MYO5A: variants seen among roughly 807,000 people sequenced by gnomAD.
MYO5A encodes the protein myosin VA, also known as unconventional myosin-Va.
A neutral mutation model predicts 249.7 loss-of-function variants in MYO5A; 98 were observed. That is an observed-to-expected ratio of 0.39 (90% CI 0.33 to 0.46). The LOEUF (loss-of-function observed/expected upper bound fraction) is 0.46. MYO5A is among the 20% of genes least tolerant of loss of function. The pLI, the probability that MYO5A is intolerant of heterozygous loss-of-function variation, is 0.98. For missense variants in MYO5A, 1,696 were observed against 2,308.8 expected, an observed-to-expected ratio of 0.73 and a Z score of 5.44; for synonymous variants, 778 against 810.6, an observed-to-expected ratio of 0.96 and a Z score of 0.68.
intron 1 of MYO5A, among the ~76,000 whole-genome samples, chr15:52,466,328 T>C (rs1595735310): frequency 6.6e-6 from 1 of 152,218 alleles, no homozygotes; most frequent in African/African-American, 2.4e-5. Context: ...GAGTGTGGTA[T>C]GGGCTCCAGC....
In MYO5A at chr15:52,372,132, C is replaced by G; in HGVS notation, c.2809G>C (p.Asp937His). The G allele has an allele frequency of 6.2e-7, 1 of 1,613,626 alleles. No homozygotes were observed. Among genetic ancestry groups the G allele is most frequent in the Non-Finnish European group, 8.5e-7 (1 of 1,180,006 alleles). Residue 937 changes from aspartate (D) to histidine (H), a missense_variant, in exon 21 of 42, where the codon GAT becomes CAT. This residue lies in a region of MYO5A where 412 missense variants were observed against 453.3 expected (regional missense o/e 0.91). Coordinates refer to ENST00000399233, the MANE Select transcript of MYO5A (RefSeq NM_001382347.1). ...NKIMQLQRKVDEQNKDYKCLV... is the reference protein window; with the variant it reads ...NKIMQLQRKVHEQNKDYKCLV... ...CCCTTTGTGAAACACACCTGCTCAT[C>G]AACTTTGCGCTGCAGCTGCATGATC...
intron 22 of MYO5A, among the ~76,000 whole-genome samples, chr15:52,368,825 T>C (rs2040948403): frequency 6.6e-6 from 1 of 152,154 alleles, no homozygotes; most frequent in South Asian, 2.1e-4. Flanking sequence ...TGCTTGTGTG[T>C]TTATTCTATC....
intron 29 of MYO5A, 95 bp downstream of exon 29, chr15:52,348,723 C>T (rs988210790): frequency 9.6e-7 from 1 of 1,041,062 alleles, no homozygotes; most frequent in East Asian, 2.6e-5. Context: ...TAGACTTGGT[C>T]AGAAAGCATC....
intron 1 of MYO5A, among the ~76,000 whole-genome samples, chr15:52,495,156 C>T (rs1344708015): frequency 2.0e-5 from 3 of 151,984 alleles, no homozygotes; most frequent in Non-Finnish European, 4.4e-5. Context: ...CCTAAGTGTC[C>T]AGTAACAAAT....
At chr15:52,396,429 G>C (rs1381496136) in intron 10 of MYO5A, 32 bp from the exon 11 acceptor site, 18 of 1,276,878 alleles carry the variant, frequency 1.4e-5, no homozygotes, top group Non-Finnish European at 1.8e-5. Flanking sequence ...GAAAAGGGGA[G>C]AAAAGGAACA....
chr15:52,449,980 C>T (rs763722673), intron 1 of MYO5A, among the ~76,000 whole-genome samples: 6 of 151,874 alleles, frequency 4.0e-5, no homozygotes, highest in East Asian at 1.9e-4. Context: ...CTAGCCTGAG[C>T]GACAGGGCTA....
intron 1 of MYO5A, among the ~76,000 whole-genome samples, chr15:52,478,059 C>T (rs550229048): frequency 2.0e-5 from 3 of 152,226 alleles, no homozygotes; most frequent in African/African-American, 7.2e-5. Context: ...GTGGGCTCCA[C>T]CCAGTTCGAG....
intron 9 of MYO5A, among the ~76,000 whole-genome samples, chr15:52,399,613 T>C (rs972915144): frequency 3.9e-5 from 6 of 152,228 alleles, no homozygotes; most frequent in African/African-American, 1.2e-4. Context: ...CTCTATATTT[T>C]AGGAATGCTT....
intron 1 of MYO5A, among the ~76,000 whole-genome samples, chr15:52,470,347 G>A (rs1036146343): frequency 5.9e-5 from 9 of 152,090 alleles, no homozygotes; most frequent in African/African-American, 2.2e-4. Context: ...CAATATCAAA[G>A]GAACTTTAAA....
Position 52,372,222 on chromosome 15 carries a change from T to G in MYO5A, c.2719A>C (p.Lys907Gln), listed in dbSNP as rs774607258. 1.9e-6 allele frequency: 3 copies of G among 1,613,554 alleles called. No homozygotes were observed. The highest frequency in any genetic ancestry group is 2.5e-6 in the Non-Finnish European group (3 of 1,180,032). ...ACTGAGCGAGCCTCGATTTTGAGCT[T>G]CTTTAGCTCACGCTTGGCCATCATC... Reference protein sequence around the residue: ...RRMMAKRELKKLKIEARSVER... With the variant: ...RRMMAKRELKQLKIEARSVER... The change falls in exon 21 of 42, where the codon AAG becomes CAG. Residue 907 changes from lysine to glutamine, a missense_variant. By Grantham distance (53) the Lys-to-Gln change is moderately conservative. Transcript: ENST00000399233.
intron 1 of MYO5A, among the ~76,000 whole-genome samples, chr15:52,487,421 T>A (rs1693495): frequency 0.98 from 148,371 of 151,728 alleles, 72,635 homozygotes; most frequent in South Asian, 1. Context: ...TCCCAAAAAT[T>A]AAAAAAAAAT....
At chr15:52,366,909 C>T in intron 23 of MYO5A, 122 bp downstream of exon 23, 1 of 886,102 alleles carries the variant, frequency 1.1e-6, no homozygotes, top group Non-Finnish European at 1.8e-6. Flanking sequence ...TTGCTGATGA[C>T]AGCCTCAACT....
intron 9 of MYO5A, among the ~76,000 whole-genome samples, chr15:52,403,199 CA>C (rs1456368001): frequency 1.3e-5 from 2 of 152,132 alleles, no homozygotes; most frequent in Non-Finnish European, 2.9e-5. Context: ...GGAAAGGTCA[CA>C]AGGGCAAAGA....
chr15:52,433,853 T>C (rs1459036252), intron 1 of MYO5A, among the ~76,000 whole-genome samples: 1 of 152,206 alleles, frequency 6.6e-6, no homozygotes, highest in Non-Finnish European at 1.5e-5. Flanking sequence ...ACACAGTAAA[T>C]GCCACCTGAA....
intron 1 of MYO5A, 49 bp from the exon 2 acceptor site, chr15:52,433,334 C>T (rs2075583026): frequency 9.8e-7 from 1 of 1,017,772 alleles, no homozygotes; most frequent in Admixed American, 1.8e-5. Context: ...AATTATTTTA[C>T]AATCATATAT....
intron 1 of MYO5A, among the ~76,000 whole-genome samples, chr15:52,477,923 C>T (rs2076631546): frequency 6.6e-6 from 1 of 152,202 alleles, no homozygotes; most frequent in African/African-American, 2.4e-5. Context: ...GGGAGAACCA[C>T]TACTCTCTTG....
intron 18 of MYO5A, among the ~76,000 whole-genome samples, chr15:52,379,149 G>A (rs1186114516): frequency 6.6e-6 from 1 of 152,074 alleles, no homozygotes; most frequent in East Asian, 1.9e-4. Context: ...ACACCTCTTT[G>A]ATGAAATCTC....
At chr15:52,523,388 T>C (rs2077663072) in intron 1 of MYO5A, among the ~76,000 whole-genome samples, 1 of 152,228 alleles carries the variant, frequency 6.6e-6, no homozygotes, top group Non-Finnish European at 1.5e-5. Flanking sequence ...ACAAGTGGAC[T>C]GATCATGCCA....
At chr15:52,452,173 C>T (rs1385075314) in intron 1 of MYO5A, among the ~76,000 whole-genome samples, 1 of 152,054 alleles carries the variant, frequency 6.6e-6, no homozygotes, top group African/African-American at 2.4e-5. Flanking sequence ...CCAAGATTAT[C>T]ACCAGCAATA....
Sources: gnomAD v4.1 joint callset for allele counts (sites outside exome capture counted in the v4.1 genomes callset) on GRCh38, gnomAD v4.1.1 for gene constraint, gnomAD v4.1.1 regional missense constraint, MANE v1.5 for transcripts, NCBI Gene and HGNC (gene_info 2026-07-23, HGNC 2026-07-21) for gene names.